KCNJ16: variants seen among roughly 807,000 people sequenced by gnomAD.
KCNJ16 encodes inward rectifier potassium channel 16.
Under a neutral mutation model 18.5 loss-of-function variants are expected in KCNJ16, and 15 were observed. The observed-to-expected ratio is 0.81, with a 90% CI of 0.54 to 1.25. The LOEUF is 1.25. Among genes scored for constraint, KCNJ16 ranks in the 50% most tolerant of loss-of-function variants. The pLI is 0.00. For synonymous variants in KCNJ16, 174 were observed against 186.5 expected (o/e 0.93, Z 0.55); for missense variants, 523 against 525.7 (o/e 0.99, Z 0.05).
Position 70,132,334 on chromosome 17 carries a change from C to A in KCNJ16, c.247C>A (p.Leu83Ile). 1.2e-6 allele frequency: 2 copies of A among 1,614,158 alleles called. No individual in the cohort carries two copies. Among genetic ancestry groups the A allele is most frequent in the South Asian group, 2.2e-5 (2 of 91,072 alleles). ...MFVIFSLSYI[L>I]SWLIFGSVFW... is the part of the protein sequence containing the mutation. ...TGTGATATTTTCTTTATCTTATATT[C>A]TCTCGTGGTTGATATTTGGCTCTGT... The change falls in exon 4 of 4, where the codon CTC becomes ATC. Residue 83 changes from leucine (L) to isoleucine (I), a missense_variant. Leu to Ile is a conservative substitution (Grantham distance 5). Transcript: ENST00000392671.
chr17:70,127,846 A>G (rs73998766), intron 2 of KCNJ16, among the ~76,000 whole-genome samples: 8,433 of 152,340 alleles, frequency 0.055, 797 homozygotes, highest in African/African-American at 0.19. Context: ...GAAGGCACTC[A>G]TTACCTCAAA....
At chr17:70,109,734 C>T (rs1023909283) in intron 2 of KCNJ16, among the ~76,000 whole-genome samples, 6 of 152,168 alleles carry the variant, frequency 3.9e-5, no homozygotes, top group Non-Finnish European at 8.8e-5. Context: ...TCTTGGCTTT[C>T]GACCTTAGAA....
chr17:70,131,857 A>G, intron 3 of KCNJ16, 138 bp from the exon 4 acceptor site: 4 of 722,638 alleles, frequency 5.5e-6, no homozygotes, highest in Non-Finnish European at 8.9e-6. Context: ...TGAAATGAGT[A>G]ATCAATACTG....
intron 1 of KCNJ16, among the ~76,000 whole-genome samples, 172 bp downstream of exon 1, chr17:70,075,562 T>C (rs576220673): frequency 2.6e-5 from 4 of 152,338 alleles, no homozygotes; most frequent in Non-Finnish European, 5.9e-5. Context: ...TAAGTAGGAA[T>C]CAAACAGTGT....
chr17:70,110,482 GCACA>G (rs34424075), intron 2 of KCNJ16, among the ~76,000 whole-genome samples: 5 of 149,872 alleles, frequency 3.3e-5, no homozygotes, highest in South Asian at 2.1e-4. Flanking sequence ...CTTCGTGCGC[GCACA>G]CACACACACA....
At chr17:70,076,120 T>C (rs1487634299) in intron 1 of KCNJ16, among the ~76,000 whole-genome samples, 3 of 152,190 alleles carry the variant, frequency 2.0e-5, no homozygotes, top group African/African-American at 7.2e-5. Context: ...ATTTAGGTAG[T>C]AAACAATAAC....
chr17:70,118,050 C>T (rs1163210141), intron 2 of KCNJ16, among the ~76,000 whole-genome samples: 3 of 152,170 alleles, frequency 2.0e-5, no homozygotes, highest in African/African-American at 7.2e-5. Context: ...CCTCTAGCCT[C>T]AAGTTCAGTA....
intron 1 of KCNJ16, among the ~76,000 whole-genome samples, chr17:70,079,622 T>A (rs1422993157): frequency 6.6e-6 from 1 of 152,202 alleles, no homozygotes; most frequent in Non-Finnish European, 1.5e-5. Context: ...AATATTAAAT[T>A]TCATAAAATG....
At chr17:70,078,845 T>C (rs920778396) in intron 1 of KCNJ16, among the ~76,000 whole-genome samples, 3 of 152,178 alleles carry the variant, frequency 2.0e-5, no homozygotes, top group Admixed American at 6.6e-5. Context: ...AGAGGGATGA[T>C]AGCCAAGTTT....
At chr17:70,103,324 A>ACACACACACACACACACAT (rs142139198) in intron 2 of KCNJ16, among the ~76,000 whole-genome samples, 3 of 113,348 alleles carry the variant, frequency 2.6e-5, no homozygotes, top group Non-Finnish European at 5.2e-5. Context: ...ATATATATAC[A>ACACACACACACACACACAT]CACACATATA....
intron 2 of KCNJ16, among the ~76,000 whole-genome samples, chr17:70,107,598 C>T (rs1165961801): frequency 6.6e-6 from 1 of 151,994 alleles, no homozygotes; most frequent in East Asian, 1.9e-4. Context: ...ATTAAGAAGT[C>T]AATGCAATGA....
chr17:70,131,908 G>A (rs998940856), intron 3 of KCNJ16, 87 bp from the exon 4 acceptor site: 1 of 1,153,726 alleles, frequency 8.7e-7, no homozygotes, highest in South Asian at 1.5e-5. Context: ...ATTTTAGATG[G>A]TATGACACTG....
At position 70,131,259 on chromosome 17, in the gene KCNJ16, G is replaced by C. The variant is rs147547594; in HGVS notation, c.-94+284G>C. ...GGATGAATGTTATGAGACAAAGACAGAGGCAATTTTACACCTTTCTGAAAG... is the reference window on the plus strand; with the variant it reads ...GGATGAATGTTATGAGACAAAGACACAGGCAATTTTACACCTTTCTGAAAG... On this transcript the variant is annotated intron_variant, in intron 3 of 3. Coordinates refer to ENST00000392671, the MANE Select transcript of KCNJ16 (RefSeq NM_170741.4). 3 of 857,546 alleles carry C rather than the reference G, an allele frequency of 3.5e-6. No individual in the cohort carries two copies. In the African/African-American group the frequency reaches 5.2e-5, roughly 15 times the overall value. 53.1% of individuals were successfully genotyped at this position (857,546 alleles called of 1,614,324 possible). A position where few individuals can be genotyped will look rare whatever the true frequency, so the allele number is the denominator to read the frequency against.
At chr17:70,103,413 C>G (rs1039542972) in intron 2 of KCNJ16, among the ~76,000 whole-genome samples, 3 of 150,676 alleles carry the variant, frequency 2.0e-5, no homozygotes, top group Non-Finnish European at 4.4e-5. Context: ...GCAATCCTCT[C>G]GCCTTAGTCT....
At chr17:70,100,145 C>A (rs2072560116) in intron 1 of KCNJ16, among the ~76,000 whole-genome samples, 1 of 152,134 alleles carries the variant, frequency 6.6e-6, no homozygotes, top group African/African-American at 2.4e-5. Context: ...TTGGGTCTAT[C>A]TGAAGGCAGG....
chr17:70,127,413 C>T (rs937453312), intron 2 of KCNJ16, among the ~76,000 whole-genome samples: 2 of 151,554 alleles, frequency 1.3e-5, no homozygotes, highest in Admixed American at 6.6e-5. Context: ...GATTCCAGGC[C>T]TCAGGCTCCT....
chr17:70,099,951 G>A (rs866480305), intron 1 of KCNJ16, among the ~76,000 whole-genome samples: 1 of 152,286 alleles, frequency 6.6e-6, no homozygotes, highest in East Asian at 1.9e-4. Context: ...TTTGGTCAAA[G>A]AAAGGAAAAT....
At position 70,133,116 on chromosome 17, in the gene KCNJ16, A is replaced by T; in HGVS notation, c.1029A>T (p.Gln343His). The T allele has an allele frequency of 1.2e-6, 2 of 1,614,198 alleles. No individual in the cohort carries two copies. Among genetic ancestry groups the T allele is most frequent in the Non-Finnish European group, 1.7e-6 (2 of 1,180,036 alleles). The change falls in exon 4 of 4, where the codon CAA becomes CAT. Residue 343 changes from glutamine to histidine, a missense_variant. By Grantham distance (24) the Gln-to-His change is conservative. Transcript: ENST00000392671. ...EVYAPFCSAK[Q>H]LDWKDQQLHI... ...ATGCCCCCTTTTGCAGTGCCAAGCA[A>T]TTGGACTGGAAAGACCAGCAGCTCC...
At position 70,134,115 on chromosome 17, in the gene KCNJ16, G is replaced by A. The variant is rs2074153716; in HGVS notation, c.*771G>A. Reference sequence around the variant, plus strand: ...CCACGACCTTGCTAGGTTCTCTGAGGAGGGGACTTTCTATGTTCACGTCCC... The same window carrying A: ...CCACGACCTTGCTAGGTTCTCTGAGAAGGGGACTTTCTATGTTCACGTCCC... On this transcript the variant is annotated 3_prime_UTR_variant, in exon 4 of 4. Transcript: ENST00000392671. The A allele has an allele frequency of 6.0e-6, 1 of 167,130 alleles. No individual in the cohort carries two copies. Among genetic ancestry groups the A allele is most frequent in the East Asian group, 1.9e-4 (1 of 5,204 alleles). The allele number at this position is 167,130 out of a possible 1,614,324, so 10.4% of individuals were successfully genotyped here.
Sources: gnomAD v4.1 joint callset for allele counts (sites outside exome capture counted in the v4.1 genomes callset) on GRCh38, gnomAD v4.1.1 for gene constraint, MANE v1.5 for transcripts, NCBI Gene and HGNC (gene_info 2026-07-23, HGNC 2026-07-21) for gene names.